NDE1: variants seen among roughly 807,000 people sequenced by gnomAD.
NDE1 encodes nudE neurodevelopment protein 1, also known as nuclear distribution protein nudE homolog 1.
A neutral mutation model predicts 43.4 loss-of-function variants in NDE1; 28 were observed. The ratio of observed to expected loss-of-function variants is 0.65; its 90% CI spans 0.48 to 0.89. The LOEUF is 0.89. Among genes scored for constraint, NDE1 ranks in the 40% least tolerant of loss-of-function variants. The pLI, the probability that NDE1 is intolerant of heterozygous loss-of-function variation, is 0.00. For missense variants in NDE1, 441 were observed against 434.1 expected, an observed-to-expected ratio of 1.02 and a Z score of -0.14; for synonymous variants, 184 against 172.0, an observed-to-expected ratio of 1.07 and a Z score of -0.55.
At chr16:15,654,617 C>CAAAAAAAAAAAAAAAAAAAAA (rs74269304) in intron 1 of NDE1, among the ~76,000 whole-genome samples, 4 of 82,374 alleles carry the variant, frequency 4.9e-5, no homozygotes, top group Admixed American at 1.3e-4. Context: ...AAAAAAAAAA[C>CAAAAAAAAAAAAAAAAAAAAA]AAAAAAAAAA....
intron 5 of NDE1, 24 bp downstream of exon 5, chr16:15,687,535 C>G (rs1300222683): frequency 5.0e-6 from 8 of 1,591,986 alleles, no homozygotes; most frequent in African/African-American, 1.3e-5. Flanking sequence ...GGTGTCTTCA[C>G]CAGCATGGTC....
intron 1 of NDE1, among the ~76,000 whole-genome samples, chr16:15,664,449 T>G (rs2037200155): frequency 6.6e-6 from 1 of 152,052 alleles, no homozygotes; most frequent in South Asian, 2.1e-4. Flanking sequence ...CTCCACCTCC[T>G]GAGTTCACAC....
chr16:15,694,087 G>A, intron 6 of NDE1, 78 bp from the exon 7 acceptor site: 1 of 1,541,020 alleles, frequency 6.5e-7, no homozygotes, highest in Middle Eastern at 2.3e-4. Flanking sequence ...CTGTCCCGTG[G>A]TTTTGGATCT....
intron 8 of NDE1, chr16:15,718,187 C>CA: frequency 1.3e-6 from 2 of 1,481,538 alleles, no homozygotes; most frequent in Non-Finnish European, 1.9e-6. Context: ...TCTCAGGCCC[C>CA]ACCACCCTCT....
intron 4 of NDE1, among the ~76,000 whole-genome samples, chr16:15,685,275 G>C (rs2038381837): frequency 6.6e-6 from 1 of 152,060 alleles, no homozygotes; most frequent in South Asian, 2.1e-4. Context: ...TGTTTTTCGA[G>C]ACAGGGTCTG....
chr16:15,689,267 A>T (rs565114054), intron 5 of NDE1, among the ~76,000 whole-genome samples: 44 of 152,284 alleles, frequency 2.9e-4, no homozygotes, highest in Non-Finnish European at 6.0e-4. Context: ...ACGCAAGAGG[A>T]TTGCTTGAGC....
At chr16:15,662,315 A>G (rs1361989624) in intron 1 of NDE1, among the ~76,000 whole-genome samples, 8 of 106,778 alleles carry the variant, frequency 7.5e-5, no homozygotes, top group African/African-American at 3.0e-4. Context: ...TGGAGTCTTG[A>G]TCTGTCGCCC....
Position 15,725,471 on chromosome 16 carries a change from G to A in NDE1, c.*1220G>A, listed in dbSNP as rs74009414. On this transcript the variant is annotated 3_prime_UTR_variant, in exon 9 of 9. Coordinates refer to ENST00000396354, the MANE Select transcript of NDE1 (RefSeq NM_017668.3). ...TCACTCCTACTCTTTGACCCTGATG[G>A]CCAAAGCCAGAGACGCAGGCCCTAA... 0.043 allele frequency: 18,498 copies of A among 428,252 alleles called. 1,305 individuals carry two copies. Among genetic ancestry groups the A allele is most frequent in the African/African-American group, 0.22 (10,761 of 48,672 alleles). The allele number at this position is 428,252 out of a possible 1,614,324, so 26.5% of individuals were successfully genotyped here. A position where few individuals can be genotyped will look rare whatever the true frequency, so the allele number is the denominator to read the frequency against.
chr16:15,720,270 G>A lies in NDE1; in HGVS notation c.948-3921G>A, dbSNP rs748356212. ...TTCTTTGCTGCAGCTGCCAGGGCACGTTGCTTTCGCTCGTCTTCCAGTTCC... is the reference window on the plus strand; with the variant it reads ...TTCTTTGCTGCAGCTGCCAGGGCACATTGCTTTCGCTCGTCTTCCAGTTCC... On this transcript the variant is annotated intron_variant, in intron 8 of 8. Coordinates refer to ENST00000396354, the MANE Select transcript of NDE1 (RefSeq NM_017668.3). 6.2e-6 allele frequency: 10 copies of A among 1,614,094 alleles called. No individual in the cohort carries two copies. In the Admixed American group the frequency reaches 6.7e-5, roughly 11 times the overall value.
At chr16:15,718,128 T>C (rs1411993242) in intron 8 of NDE1, 29 of 890,156 alleles carry the variant, frequency 3.3e-5, no homozygotes, top group Non-Finnish European at 4.3e-5. Context: ...GAGAGGAGTA[T>C]TCTGAAGACA....
In NDE1 at chr16:15,720,265, G is replaced by A. The variant is rs536345257; in HGVS notation, c.948-3926G>A. ...GCTTCTTCTTTGCTGCAGCTGCCAG[G>A]GCACGTTGCTTTCGCTCGTCTTCCA... is the stretch of plus-strand genomic sequence containing the variant. On this transcript the variant is annotated intron_variant, in intron 8 of 8. Transcript: ENST00000396354. 6.2e-7 allele frequency: 1 copy of A among 1,614,132 alleles called. No individual in the cohort carries two copies. Among genetic ancestry groups the A allele is most frequent in the East Asian group, 2.2e-5 (1 of 44,870 alleles).
Position 15,664,739 on chromosome 16 carries a change from C to A in NDE1, c.-40C>A. On this transcript the variant is annotated 5_prime_UTR_variant, in exon 2 of 9. Coordinates refer to ENST00000396354, the MANE Select transcript of NDE1 (RefSeq NM_017668.3). ...ATTTTGAAACCTTCTCTCCTAGACA[C>A]CATGCCACAAGGAGAGTGATCTCTT... 1 of 1,454,030 alleles carries A rather than the reference C, an allele frequency of 6.9e-7. No individual in the cohort carries two copies. Among genetic ancestry groups the A allele is most frequent in the Non-Finnish European group, 9.7e-7 (1 of 1,034,856 alleles). 90.1% of individuals were successfully genotyped at this position (1,454,030 alleles called of 1,614,324 possible).
chr16:15,670,398 C>T (rs968541388), intron 3 of NDE1, among the ~76,000 whole-genome samples: 2 of 152,114 alleles, frequency 1.3e-5, no homozygotes, highest in Non-Finnish European at 2.9e-5. Flanking sequence ...TGGCTCATGC[C>T]TGTTATCCCA....
At position 15,721,283 on chromosome 16, in the gene NDE1, C is replaced by G. The variant is rs1447325512; in HGVS notation, c.948-2908C>G. ...TTCTCAGCCCCTCCCAGCCCCTGCA[C>G]CAGTCCAAAAACCTCCTTCCATTTC... is the stretch of plus-strand genomic sequence containing the variant. On this transcript the variant is annotated intron_variant, in intron 8 of 8. Transcript: ENST00000396354. 4.6e-6 allele frequency: 5 copies of G among 1,088,380 alleles called. 1 individual carries two copies. The highest frequency in any genetic ancestry group is 6.8e-6 in the Non-Finnish European group (5 of 734,674). The allele number at this position is 1,088,380 out of a possible 1,614,324, so 67.4% of individuals were successfully genotyped here. A position where few individuals can be genotyped will look rare whatever the true frequency, so the allele number is the denominator to read the frequency against.
Position 15,719,032 on chromosome 16 carries a change from G to A in NDE1, c.948-5159G>A. The stretch of plus-strand genomic sequence containing the variant: ...AGTCTCAGCTACTCAGAAGGCTGAG[G>A]CAGGAGAATTGCTTGAACCTGGGAG... On this transcript the variant is annotated intron_variant, in intron 8 of 8. Transcript: ENST00000396354. 6.1e-6 allele frequency: 4 copies of A among 651,076 alleles called. No individual in the cohort carries two copies. The Admixed American group carries it at 8.6e-5, about 14-fold the overall frequency. The allele number at this position is 651,076 out of a possible 1,614,324, so 40.3% of individuals were successfully genotyped here.
At chr16:15,702,803 T>C (rs1378983358) in intron 8 of NDE1, among the ~76,000 whole-genome samples, 5 of 152,164 alleles carry the variant, frequency 3.3e-5, no homozygotes, top group Admixed American at 1.3e-4. Context: ...TTTCTTAAGA[T>C]ACTGGTTTTG....
At chr16:15,686,601 C>G in intron 4 of NDE1, 1 of 953,174 alleles carries the variant, frequency 1.0e-6, no homozygotes, top group Non-Finnish European at 1.2e-6. Flanking sequence ...TCTCTTGAGC[C>G]CAAGAGTTTG....
At chr16:15,657,929 G>A (rs2036852289) in intron 1 of NDE1, among the ~76,000 whole-genome samples, 1 of 152,170 alleles carries the variant, frequency 6.6e-6, no homozygotes, top group Non-Finnish European at 1.5e-5. Context: ...CTTTGAGCAA[G>A]TAAGGTCGTT....
upstream of NDE1, among the ~76,000 whole-genome samples, chr16:15,646,627 T>C (rs1051700289): frequency 2.0e-5 from 3 of 150,366 alleles, no homozygotes; most frequent in Non-Finnish European, 4.4e-5. Flanking sequence ...AGCTACTTGG[T>C]AGGCTGAGGC....
Sources: allele counts gnomAD v4.1 joint callset (sites outside exome capture counted in the v4.1 genomes callset), GRCh38; gene constraint gnomAD v4.1.1; transcripts MANE v1.5; gene names NCBI Gene and HGNC (gene_info 2026-07-23, HGNC 2026-07-21).